The following NFKB1 variants were observed in gnomAD, a reference collection of about 807,000 sequenced individuals.
NFKB1 encodes nuclear factor NF-kappa-B p105 subunit.
In NFKB1, 9 loss-of-function variants were observed where a neutral mutation model predicts 105.1. That is an observed-to-expected ratio of 0.09 (90% confidence interval 0.05 to 0.15). The LOEUF (loss-of-function observed/expected upper bound fraction) is 0.15. Ranked by LOEUF, NFKB1 falls within the 10% of genes least tolerant of loss-of-function variation. The probability of loss-of-function intolerance (pLI) is 1.00; values close to 1 mark genes in which losing one functional copy is unlikely to be tolerated. For synonymous variants in NFKB1, 440 were observed against 442.2 expected (o/e 1.00, Z 0.06); for missense variants, 830 against 1,203.7 (o/e 0.69, Z 4.59).
chr4:102,603,541 A>G (rs1436736210), intron 16 of NFKB1, among the ~76,000 whole-genome samples: 8 of 152,028 alleles, frequency 5.3e-5, no homozygotes. Flanking sequence ...TTTTTCCCCT[A>G]CCTTACCACC....
chr4:102,547,418 GT>G (rs1437840173), intron 5 of NFKB1, among the ~76,000 whole-genome samples: 1 of 152,124 alleles, frequency 6.6e-6, no homozygotes, highest in African/African-American at 2.4e-5. Flanking sequence ...CTGGGGTGAG[GT>G]TTAGGTGGTT....
Position 102,596,254 on chromosome 4 carries a change from A to G in NFKB1, c.1417A>G (p.Ser473Gly). ...IETTEQDQEP[S>G]EATVGNGEVT... ...AACCACAGAGCAAGATCAGGAGCCC[A>G]GCGAGGCCACCGTTGGGAATGGTGA... Residue 473 changes from serine to glycine, a missense_variant, in exon 14 of 24, where the codon AGC (serine) becomes GGC (glycine). Around this residue, in one of 8 missense-constraint regions of NFKB1, gnomAD observed 163 missense variants for 164.3 expected, o/e 0.99. Transcript: ENST00000226574. 6.2e-7 allele frequency: 1 copy of G among 1,613,862 alleles called. No individual in the cohort carries two copies. Among genetic ancestry groups the G allele is most frequent in the Middle Eastern group, 1.7e-4 (1 of 6,060 alleles).
rs2149206645 is a variant in NFKB1, at chr4:102,596,307, A to G, written c.1470A>G (p.Thr490=). 2 of 1,610,006 alleles carry G rather than the reference A, an allele frequency of 1.2e-6. No homozygotes were observed. The highest frequency in any genetic ancestry group is 1.7e-6 in the Non-Finnish European group (2 of 1,177,476). Residue 490 remains threonine (T), a synonymous_variant, in exon 14 of 24, where the codon ACA becomes ACG. Transcript: ENST00000226574. Reference sequence around the variant, plus strand: ...TCACTCTAACGTATGCAACAGGAACAAAAGAAGAGAGTGCTGGAGTTCAGG... The same window carrying G: ...TCACTCTAACGTATGCAACAGGAACGAAAGAAGAGAGTGCTGGAGTTCAGG... ...GEVTLTYATG[T]KEESAGVQDN...
chr4:102,507,271 T>G (rs1042609750), intron 1 of NFKB1, among the ~76,000 whole-genome samples: 1 of 152,034 alleles, frequency 6.6e-6, no homozygotes, highest in Non-Finnish European at 1.5e-5. Flanking sequence ...TAAATTTTTG[T>G]GTGTTCCCTT....
chr4:102,599,896 T>C, intron 15 of NFKB1, among the ~76,000 whole-genome samples: 1 of 152,344 alleles, frequency 6.6e-6, no homozygotes, highest in African/African-American at 2.4e-5. Flanking sequence ...ATTTTAATAG[T>C]ATGTTTTTTA....
At chr4:102,555,045 G>T (rs1273106309) in intron 5 of NFKB1, among the ~76,000 whole-genome samples, 1 of 152,134 alleles carries the variant, frequency 6.6e-6, no homozygotes, top group Non-Finnish European at 1.5e-5. Context: ...CCAGGGTTAG[G>T]TGTTCCTAAC....
At chr4:102,550,076 T>TA (rs951728624) in intron 5 of NFKB1, among the ~76,000 whole-genome samples, 1 of 152,006 alleles carries the variant, frequency 6.6e-6, no homozygotes, top group African/African-American at 2.4e-5. Flanking sequence ...CATTCTTCTT[T>TA]AAAAAAAATT....
chr4:102,518,478 C>A (rs1343753691), intron 1 of NFKB1, among the ~76,000 whole-genome samples: 4 of 151,772 alleles, frequency 2.6e-5, no homozygotes, highest in African/African-American at 9.7e-5. Context: ...AGATAATTAA[C>A]CCATACCCCA....
intron 23 of NFKB1, 68 bp downstream of exon 23, chr4:102,613,649 T>C: frequency 1.3e-6 from 2 of 1,525,364 alleles, no homozygotes; most frequent in South Asian, 1.2e-5. Flanking sequence ...TTCAGCTCTT[T>C]TTGGATATGG....
intron 5 of NFKB1, among the ~76,000 whole-genome samples, chr4:102,551,365 T>TGCGCGCGCGC (rs35449997): frequency 4.7e-5 from 6 of 127,542 alleles, no homozygotes; most frequent in South Asian, 2.4e-4. Flanking sequence ...TGTGTGTGTG[T>TGCGCGCGCGC]GTGCGCGCGC....
At chr4:102,515,107 A>ATTTTTTTTTTTT (rs34257045) in intron 1 of NFKB1, among the ~76,000 whole-genome samples, 12 of 95,642 alleles carry the variant, frequency 1.3e-4, no homozygotes, top group Non-Finnish European at 1.7e-4. Flanking sequence ...TATTATTATT[A>ATTTTTTTTTTTT]TTTTTTTTTT....
rs531821152 is a variant in NFKB1, at chr4:102,583,044, A to G, written c.927+87A>G. 4.3e-4 allele frequency: 361 copies of G among 841,866 alleles called. 2 individuals carry two copies. The African/African-American group carries it at 4.3e-3, about 10-fold the overall frequency. The allele number at this position is 841,866 out of a possible 1,614,324, so 52.1% of individuals were successfully genotyped here. A position where few individuals can be genotyped will look rare whatever the true frequency, so the allele number is the denominator to read the frequency against. ...ACCCAGGCTGCAGTGCAGTGGTACA[A>G]TCACAGCTCACTGTATCCCCCAACT... is the stretch of plus-strand genomic sequence containing the variant. On this transcript the variant is annotated intron_variant, in intron 10 of 23. Transcript: ENST00000226574.
intron 6 of NFKB1, among the ~76,000 whole-genome samples, chr4:102,571,437 A>T (rs942747872): frequency 2.0e-5 from 3 of 152,340 alleles, no homozygotes; most frequent in Non-Finnish European, 1.5e-5. Context: ...AGACTTCATG[A>T]CTAAAACACC....
At chr4:102,504,989 C>T (rs1739333962) in intron 1 of NFKB1, among the ~76,000 whole-genome samples, 1 of 152,066 alleles carries the variant, frequency 6.6e-6, no homozygotes, top group Admixed American at 6.5e-5. Context: ...TAATTAGTAT[C>T]CAGTGCCTCA....
chr4:102,613,733 C>G (rs778400276), intron 23 of NFKB1, 152 bp downstream of exon 23: 1 of 912,618 alleles, frequency 1.1e-6, no homozygotes, highest in Non-Finnish European at 1.6e-6. Context: ...TCACCCTCTG[C>G]CTCTCTTGAT....
intron 19 of NFKB1, among the ~76,000 whole-genome samples, chr4:102,608,492 A>C (rs1343609809): frequency 1.1e-4 from 17 of 152,216 alleles, no homozygotes; most frequent in Admixed American, 1.1e-3. Context: ...TTTTGCTCAT[A>C]GGTTTGCAGA....
At chr4:102,534,937 C>T (rs1271500846) in intron 4 of NFKB1, among the ~76,000 whole-genome samples, 1 of 152,142 alleles carries the variant, frequency 6.6e-6, no homozygotes, top group Admixed American at 6.6e-5. Context: ...ATATAAATGT[C>T]TTAATGATTG....
intron 19 of NFKB1, 55 bp downstream of exon 19, chr4:102,607,806 C>A: frequency 6.8e-7 from 1 of 1,473,528 alleles, no homozygotes; most frequent in Non-Finnish European, 9.5e-7. Flanking sequence ...AATGCAAACC[C>A]AACTTCAATA....
chr4:102,532,102 TA>T (rs1478460027), intron 3 of NFKB1, among the ~76,000 whole-genome samples: 3 of 152,216 alleles, frequency 2.0e-5, no homozygotes, highest in Non-Finnish European at 4.4e-5. Flanking sequence ...ATTATGTTTC[TA>T]AAAGTAATTT....
Sources: allele counts gnomAD v4.1 joint callset (sites outside exome capture counted in the v4.1 genomes callset), GRCh38; gene constraint gnomAD v4.1.1; regional missense constraint gnomAD v4.1.1; transcripts MANE v1.5; gene names NCBI Gene and HGNC (gene_info 2026-07-23, HGNC 2026-07-21).